Variants in SUPT6H observed in about 807,000 individuals in gnomAD.
SUPT6H encodes transcription elongation factor SPT6.
In SUPT6H, 11 loss-of-function variants were observed where a neutral mutation model predicts 222.3. The observed-to-expected ratio is 0.05, with a 90% CI of 0.03 to 0.08. The LOEUF (loss-of-function observed/expected upper bound fraction) is 0.08. Ranked by LOEUF, SUPT6H falls within the 10% of genes least tolerant of loss-of-function variation. SUPT6H has a pLI of 1.00. For synonymous variants in SUPT6H, 762 were observed against 801.2 expected, an observed-to-expected ratio of 0.95 and a Z score of 0.83; for missense variants, 1,422 against 2,216.0, an observed-to-expected ratio of 0.64 and a Z score of 7.19.
At position 28,669,480 on chromosome 17, in the gene SUPT6H, G is replaced by T. The variant is rs148347980; in HGVS notation, c.-31-3891G>T. On this transcript the variant is annotated intron_variant, in intron 1 of 36. Transcript: ENST00000314616. ...CAGGCATGAGCCACAGCACTCGGCC[G>T]AATAATAATAGTTTTTAAAACAAAA... 7.6e-4 allele frequency among the ~76,000 whole-genome samples: 116 copies of T among 152,248 alleles called. 1 individual carries two copies. Among genetic ancestry groups the T allele is most frequent in the Non-Finnish European group, 9.6e-4 (65 of 68,002 alleles).
chr17:28,686,226 A>C, intron 19 of SUPT6H, 113 bp from the exon 20 acceptor site: 2 of 950,942 alleles, frequency 2.1e-6, no homozygotes, highest in Non-Finnish European at 3.2e-6. Flanking sequence ...ACCTTGGACC[A>C]GATATCTTCT....
chr17:28,697,956 C>G lies in SUPT6H; in HGVS notation c.4374C>G (p.Ile1458Met). 6.2e-7 allele frequency: 1 copy of G among 1,614,038 alleles called. No homozygotes were observed. The highest frequency in any genetic ancestry group is 8.5e-7 in the Non-Finnish European group (1 of 1,180,026). ...IKTKKEKPTF[I>M]PYFICACKEL... ...CTAAGAAGGAGAAGCCCACCTTCAT[C>G]CCTTATTTCATCTGTGCCTGCAAGG... Residue 1458 changes from isoleucine (I) to methionine (M), a missense_variant, in exon 32 of 37, where the codon ATC (isoleucine) becomes ATG (methionine). By Grantham distance (10) the Ile-to-Met change is conservative (BLOSUM62 1). This residue lies in a region of SUPT6H where 395 missense variants were observed against 580.6 expected (regional missense o/e 0.68). Coordinates refer to ENST00000314616, the MANE Select transcript of SUPT6H (RefSeq NM_003170.5).
At chr17:28,678,767 C>G in intron 10 of SUPT6H, 54 bp from the exon 11 acceptor site, 2 of 1,613,732 alleles carry the variant, frequency 1.2e-6, no homozygotes, top group Non-Finnish European at 1.7e-6. Context: ...TCAGAGCAGC[C>G]TTGAGTCTCC....
At chr17:28,667,182 G>A (rs912653076) in intron 1 of SUPT6H, among the ~76,000 whole-genome samples, 9 of 144,476 alleles carry the variant, frequency 6.2e-5, no homozygotes, top group Admixed American at 2.2e-4. Flanking sequence ...TGGCTAACAC[G>A]GTGAAACCCC....
rs1444502715 is a variant in SUPT6H at position 28,701,581 on chromosome 17, A to G, written c.5137A>G (p.Ile1713Val). Residue 1713 changes from isoleucine (I) to valine (V), a missense_variant, in exon 37 of 37, where the codon ATT (isoleucine) becomes GTT (valine). This residue lies in a region of SUPT6H where 395 missense variants were observed against 580.6 expected (regional missense o/e 0.68). Coordinates refer to ENST00000314616, the MANE Select transcript of SUPT6H (RefSeq NM_003170.5). ...SPMIESTPMS[I>V]AGDATPLLDE... ...CATGATCGAAAGCACCCCCATGTCCATTGCTGGCGATGCCACCCCACTCCT... is the reference window on the plus strand; with the variant it reads ...CATGATCGAAAGCACCCCCATGTCCGTTGCTGGCGATGCCACCCCACTCCT... The G allele has an allele frequency of 6.2e-7, 1 of 1,613,558 alleles. No individual in the cohort carries two copies. The highest frequency in any genetic ancestry group is 1.1e-5 in the South Asian group (1 of 91,072).
intron 12 of SUPT6H, 85 bp from the exon 13 acceptor site, chr17:28,681,797 C>A: frequency 8.2e-7 from 1 of 1,214,560 alleles, no homozygotes; most frequent in Non-Finnish European, 1.2e-6. Flanking sequence ...GGCTGGGTAC[C>A]CTTTGAGGCT....
chr17:28,687,610 A>G (rs75328175), intron 23 of SUPT6H, 139 bp downstream of exon 23: 11,058 of 989,500 alleles, frequency 0.011, 384 homozygotes, highest in African/African-American at 0.089. Context: ...GTGAGAGTCA[A>G]AAGAGTCTGA....
chr17:28,667,120 C>T (rs1199994273), intron 1 of SUPT6H, among the ~76,000 whole-genome samples: 1 of 150,848 alleles, frequency 6.6e-6, no homozygotes, highest in Non-Finnish European at 1.5e-5. Flanking sequence ...AATCCCAGCA[C>T]TATGAGAGGC....
chr17:28,678,659 G>A, intron 10 of SUPT6H, 25 bp downstream of exon 10: 2 of 1,612,262 alleles, frequency 1.2e-6, no homozygotes, highest in Non-Finnish European at 1.7e-6. Context: ...TGGCCCCCAA[G>A]AGGTGTGGGC....
Position 28,688,122 on chromosome 17 carries a change from G to T in SUPT6H, c.3038G>T (p.Ser1013Ile). Residue 1013 changes from serine (S) to isoleucine (I), a missense_variant, in exon 24 of 37, where the codon AGC becomes ATC. Around this residue, in one of 13 missense-constraint regions of SUPT6H, gnomAD observed 11 missense variants for 26.3 expected, o/e 0.42. Coordinates refer to ENST00000314616, the MANE Select transcript of SUPT6H (RefSeq NM_003170.5). The surrounding 1 kb of genome is among the most constrained non-coding windows in gnomAD (Gnocchi z 4.3). ...ILKQNNTRLE[S>I]RTQLVTMCHM... ...AAGCAGAACAACACCCGGCTCGAGA[G>T]CCGGACCCAGCTGGTCACCATGTGC... 6.2e-7 allele frequency: 1 copy of T among 1,613,350 alleles called. No individual in the cohort carries two copies. Among genetic ancestry groups the T allele is most frequent in the Non-Finnish European group, 8.5e-7 (1 of 1,179,642 alleles).
chr17:28,679,896 A>G (rs930209662), intron 11 of SUPT6H, among the ~76,000 whole-genome samples: 3 of 148,328 alleles, frequency 2.0e-5, no homozygotes, highest in African/African-American at 7.5e-5. Flanking sequence ...AGGCTGAGGC[A>G]GGAGAATTGC....
At chr17:28,685,185 G>A (rs1270870505) in intron 19 of SUPT6H, among the ~76,000 whole-genome samples, 1 of 152,174 alleles carries the variant, frequency 6.6e-6, no homozygotes, top group Non-Finnish European at 1.5e-5. Flanking sequence ...CCTAGGCCTT[G>A]TGTGCTTCTG....
At position 28,667,403 on chromosome 17, in the gene SUPT6H, GTGTATATATATATATATATA is replaced by G. The variant is rs1329007995; in HGVS notation, c.-32+5063_-32+5082del. ...AAAAAAAAAAAAAAAAAGTGTGTGT[GTGTATATATATATATATATA>G]TATATATATATATGTATGTGTGTGT... On this transcript the variant is annotated intron_variant, in intron 1 of 36. Transcript: ENST00000314616. Among the ~76,000 whole-genome samples, 96 of 42,372 alleles carry G rather than the reference GTGTATATATATATATATATA, an allele frequency of 2.3e-3. 1 individual carries two copies. The South Asian group carries it at 0.043, about 19-fold the overall frequency. The allele number at this position is 42,372 out of a possible 152,430, so 27.8% of individuals were successfully genotyped here.
chr17:28,663,536 G>C (rs1412226354), intron 1 of SUPT6H, among the ~76,000 whole-genome samples: 1 of 152,082 alleles, frequency 6.6e-6, no homozygotes, highest in East Asian at 1.9e-4. Flanking sequence ...CGTTTGCCCT[G>C]ATTCTATATT....
intron 8 of SUPT6H, 49 bp from the exon 9 acceptor site, chr17:28,678,027 A>G: frequency 6.3e-7 from 1 of 1,576,430 alleles, no homozygotes; most frequent in Non-Finnish European, 8.7e-7. Flanking sequence ...GTATGGTAAG[A>G]CAAACCAAGT....
At chr17:28,700,676 G>T in intron 35 of SUPT6H, 164 bp downstream of exon 35, 1 of 1,047,574 alleles carries the variant, frequency 9.5e-7, no homozygotes, top group Non-Finnish European at 1.4e-6. Context: ...AGGGGAAGAG[G>T]GTAAGAGAGG....
At chr17:28,664,744 A>T (rs1244152577) in intron 1 of SUPT6H, among the ~76,000 whole-genome samples, 1 of 152,202 alleles carries the variant, frequency 6.6e-6, no homozygotes, top group Non-Finnish European at 1.5e-5. Flanking sequence ...TAACCAAAAG[A>T]AAGTTTTGGT....
At chr17:28,689,039 C>A in intron 24 of SUPT6H, 3 of 243,760 alleles carry the variant, frequency 1.2e-5, no homozygotes, top group Non-Finnish European at 2.4e-5. Flanking sequence ...AGATAACTAC[C>A]ATAACAATTT....
chr17:28,678,034 A>G (rs1190898748), intron 8 of SUPT6H, 42 bp from the exon 9 acceptor site: 2 of 1,577,106 alleles, frequency 1.3e-6, no homozygotes, highest in African/African-American at 1.4e-5. Flanking sequence ...AAGACAAACC[A>G]AGTAAACATT....
Sources: allele counts gnomAD v4.1 joint callset (sites outside exome capture counted in the v4.1 genomes callset), GRCh38; gene constraint gnomAD v4.1.1; regional missense constraint gnomAD v4.1.1; non-coding constraint Gnocchi (gnomAD v3.1); transcripts MANE v1.5; gene names NCBI Gene and HGNC (gene_info 2026-07-23, HGNC 2026-07-21).